The following BICD1 variants were observed in gnomAD, a reference collection of about 807,000 sequenced individuals.
BICD1 encodes the protein BICD cargo adaptor 1.
A neutral mutation model predicts 92.5 loss-of-function variants in BICD1; 35 were observed. The observed-to-expected ratio is 0.38, with a 90% CI of 0.29 to 0.50. The LOEUF (loss-of-function observed/expected upper bound fraction) is 0.50, where lower values mean the gene tolerates loss of function less well. BICD1 is among the 20% of genes least tolerant of loss of function. BICD1 has a pLI of 0.93. For synonymous variants in BICD1, 429 were observed against 465.1 expected, an observed-to-expected ratio of 0.92 and a Z score of 1.00; for missense variants, 950 against 1,189.8, an observed-to-expected ratio of 0.80 and a Z score of 2.97.
chr12:32,226,798 A>C, intron 2 of BICD1, among the ~76,000 whole-genome samples: 1 of 152,212 alleles, frequency 6.6e-6, no homozygotes, highest in Admixed American at 6.5e-5. Flanking sequence ...TCCCAGAAAC[A>C]CTAGCAGGTA....
chr12:32,335,076 T>G (rs1428344964), intron 6 of BICD1, among the ~76,000 whole-genome samples: 1 of 152,094 alleles, frequency 6.6e-6, no homozygotes, highest in Non-Finnish European at 1.5e-5. Context: ...TATATAAAAG[T>G]GCCTTACCTT....
chr12:32,257,944 T>C (rs1278206812), intron 2 of BICD1, among the ~76,000 whole-genome samples: 1 of 152,236 alleles, frequency 6.6e-6, no homozygotes, highest in Non-Finnish European at 1.5e-5. Context: ...CTGTTGTCAT[T>C]TGACGTTTCA....
chr12:32,360,722 C>T (rs1939294141), intron 8 of BICD1, among the ~76,000 whole-genome samples: 1 of 151,822 alleles, frequency 6.6e-6, no homozygotes, highest in African/African-American at 2.4e-5. Flanking sequence ...ATGATATGTG[C>T]AAAGGGTCCA....
intron 9 of BICD1, among the ~76,000 whole-genome samples, chr12:32,371,091 A>G (rs557850088): frequency 7.2e-5 from 11 of 152,106 alleles, no homozygotes; most frequent in African/African-American, 2.7e-4. Flanking sequence ...GTCTAGTTCC[A>G]TCTGTTCTGA....
chr12:32,374,148 A>T lies in BICD1; in HGVS notation c.2841-3392A>T, dbSNP rs889351743. ...AGAATTGCTTGAACCTGGGAGGCAG[A>T]GGTTGCAGTGAGCTGGGATCGTGCC... On this transcript the variant is annotated intron_variant, in intron 9 of 9. Coordinates refer to ENST00000652176, the MANE Select transcript of BICD1 (RefSeq NM_001714.4). Among the ~76,000 whole-genome samples the T allele has an allele frequency of 2.0e-5, 3 of 151,020 alleles. No homozygotes were observed. In the South Asian group the frequency reaches 6.3e-4, roughly 32 times the overall value.
Position 32,380,452 on chromosome 12 carries a change from G to A in BICD1, c.*2825G>A, listed in dbSNP as rs532895057. 1 of 152,318 alleles carries A rather than the reference G, an allele frequency of 6.6e-6. No individual in the cohort carries two copies. Among genetic ancestry groups the A allele is most frequent in the African/African-American group, 2.4e-5 (1 of 41,578 alleles). 9.4% of individuals were successfully genotyped at this position (152,318 alleles called of 1,614,324 possible). A position where few individuals can be genotyped will look rare whatever the true frequency, so the allele number is the denominator to read the frequency against. ...ATACTGGCTAATTATTGCAAACAGAGTGAGCAAAGATTAATGCTAACTAGT... is the reference window on the plus strand; with the variant it reads ...ATACTGGCTAATTATTGCAAACAGAATGAGCAAAGATTAATGCTAACTAGT... On this transcript the variant is annotated 3_prime_UTR_variant, in exon 10 of 10. Coordinates refer to ENST00000652176, the MANE Select transcript of BICD1 (RefSeq NM_001714.4).
chr12:32,342,236 A>G (rs1592699473), intron 8 of BICD1, among the ~76,000 whole-genome samples: 2 of 140,354 alleles, frequency 1.4e-5, no homozygotes, highest in East Asian at 2.1e-4. Context: ...ATATATATGT[A>G]TAGTTTTGGG....
intron 2 of BICD1, chr12:32,227,618 C>G (rs907255205): frequency 6.3e-6 from 1 of 158,980 alleles, no homozygotes; most frequent in African/African-American, 2.4e-5. Flanking sequence ...ATAGCTCCAT[C>G]CATCATGGGA....
chr12:32,151,417 C>T (rs6488034), intron 1 of BICD1, among the ~76,000 whole-genome samples: 130,647 of 152,284 alleles, frequency 0.86, 56,252 homozygotes, highest in African/African-American at 0.92. Flanking sequence ...AATATGATCA[C>T]TGGATTATGG....
rs76357685 is a variant in BICD1, at chr12:32,214,907, A to G, written c.214-1340A>G. On this transcript the variant is annotated intron_variant, in intron 1 of 9. Transcript: ENST00000652176. ...TTATTCTTTATTAGGGGGATGTGAA[A>G]CATGATTATTGTTCTCAGAGTCAGA... Among the ~76,000 whole-genome samples the G allele has an allele frequency of 3.9e-3, 600 of 152,154 alleles. 30 individuals carry two copies. In the East Asian group the frequency reaches 0.1, roughly 26 times the overall value.
intron 8 of BICD1, chr12:32,340,584 A>T: frequency 1.2e-6 from 1 of 808,796 alleles, no homozygotes; most frequent in Non-Finnish European, 1.5e-6. Flanking sequence ...TAAGGTTAAA[A>T]ATTAATAATC....
chr12:32,132,115 G>A (rs1420442842), intron 1 of BICD1, among the ~76,000 whole-genome samples: 1 of 152,058 alleles, frequency 6.6e-6, no homozygotes. Flanking sequence ...GTAACAGTAA[G>A]TGTAAAGATC....
intron 1 of BICD1, among the ~76,000 whole-genome samples, chr12:32,154,689 T>A (rs528372803): frequency 6.6e-6 from 1 of 152,246 alleles, no homozygotes; most frequent in Non-Finnish European, 1.5e-5. Flanking sequence ...TGTTCTCTTA[T>A]CTCTACTGCT....
At chr12:32,119,398 T>C (rs1223146585) in intron 1 of BICD1, among the ~76,000 whole-genome samples, 1 of 152,112 alleles carries the variant, frequency 6.6e-6, no homozygotes, top group Non-Finnish European at 1.5e-5. Flanking sequence ...ACCTGGGTGA[T>C]TTATAAAACT....
At chr12:32,265,643 C>T (rs1209656857) in intron 2 of BICD1, among the ~76,000 whole-genome samples, 1 of 151,124 alleles carries the variant, frequency 6.6e-6, no homozygotes, top group East Asian at 1.9e-4. Context: ...ATCCCTTGAG[C>T]CCAAGAGTTC....
intron 1 of BICD1, among the ~76,000 whole-genome samples, chr12:32,173,373 C>T (rs1944005640): frequency 6.6e-6 from 1 of 152,152 alleles, no homozygotes; most frequent in African/African-American, 2.4e-5. Context: ...AATTGACCAC[C>T]ATCCCTTGTC....
At chr12:32,336,353 C>T (rs1204850413) in intron 6 of BICD1, among the ~76,000 whole-genome samples, 6 of 152,184 alleles carry the variant, frequency 3.9e-5, no homozygotes, top group African/African-American at 9.6e-5. Flanking sequence ...CTTTCTTCTT[C>T]GGCACAAGTA....
chr12:32,351,156 T>C (rs886707622), intron 8 of BICD1, among the ~76,000 whole-genome samples: 1 of 119,096 alleles, frequency 8.4e-6, no homozygotes, highest in Admixed American at 8.3e-5. Flanking sequence ...ACTCTTAAAA[T>C]AATTACTTAA....
chr12:32,272,141 G>A (rs1324037238), intron 2 of BICD1, among the ~76,000 whole-genome samples: 1 of 151,932 alleles, frequency 6.6e-6, no homozygotes, highest in Non-Finnish European at 1.5e-5. Flanking sequence ...TTTCTTTTAT[G>A]ACTGAGAAAT....
Sources: gnomAD v4.1 joint callset for allele counts (sites outside exome capture counted in the v4.1 genomes callset) on GRCh38, gnomAD v4.1.1 for gene constraint, MANE v1.5 for transcripts, NCBI Gene and HGNC (gene_info 2026-07-23, HGNC 2026-07-21) for gene names.